Variants in NEK10 observed in about 807,000 individuals in gnomAD.
NEK10 encodes the protein NIMA related kinase 10.
Under a neutral mutation model 159.8 loss-of-function variants are expected in NEK10, and 122 were observed. The ratio of observed to expected loss-of-function variants is 0.76; its 90% CI spans 0.66 to 0.89. NEK10 has a LOEUF of 0.89. Ranked by LOEUF, NEK10 falls within the 40% of genes least tolerant of loss-of-function variation. NEK10 has a pLI of 0.00. For synonymous variants in NEK10, 466 were observed against 457.1 expected (o/e 1.02, Z -0.25); for missense variants, 1,342 against 1,323.1 (o/e 1.01, Z -0.22).
chr3:27,260,710 G>C (rs996264297), intron 22 of NEK10, among the ~76,000 whole-genome samples: 8 of 152,132 alleles, frequency 5.3e-5, no homozygotes, highest in Non-Finnish European at 1.0e-4. Context: ...GCCAGGCTTT[G>C]GTATCAGGAT....
At chr3:27,116,870 AT>A (rs1355869576) in intron 33 of NEK10, among the ~76,000 whole-genome samples, 1 of 151,910 alleles carries the variant, frequency 6.6e-6, no homozygotes, top group African/African-American at 2.4e-5. Flanking sequence ...GGTTTGTAAT[AT>A]AGGTAAATGT....
intron 6 of NEK10, among the ~76,000 whole-genome samples, chr3:27,319,041 A>T (rs1040243169): frequency 6.6e-6 from 1 of 152,224 alleles, no homozygotes; most frequent in Non-Finnish European, 1.5e-5. Context: ...GGCAAAGAGA[A>T]AACGTGGTAC....
At chr3:27,169,338 A>T (rs1946749381) in intron 29 of NEK10, among the ~76,000 whole-genome samples, 1 of 152,054 alleles carries the variant, frequency 6.6e-6, no homozygotes, top group Non-Finnish European at 1.5e-5. Flanking sequence ...ACAAACACCC[A>T]CTGTGGTTCT....
intron 23 of NEK10, among the ~76,000 whole-genome samples, chr3:27,207,917 C>T (rs146850112): frequency 1.9e-4 from 29 of 152,174 alleles, no homozygotes; most frequent in African/African-American, 6.7e-4. Flanking sequence ...GTCTGTGTGC[C>T]AGTAAGTACC....
chr3:27,363,700 G>A (rs1286234797), intron 1 of NEK10: 1 of 152,158 alleles, frequency 6.6e-6, no homozygotes, highest in Non-Finnish European at 1.5e-5. Flanking sequence ...AAGTATACAT[G>A]AACAGGACAA....
chr3:27,331,251 C>CAAAAAAAAAAAAAAAAAA (rs1247716064), intron 5 of NEK10, among the ~76,000 whole-genome samples: 1 of 53,910 alleles, frequency 1.9e-5, no homozygotes, highest in African/African-American at 4.6e-5. Flanking sequence ...AAAAAAAAAA[C>CAAAAAAAAAAAAAAAAAA]AAAAAAAAAA....
At chr3:27,315,987 C>T (rs1163769058) in intron 6 of NEK10, among the ~76,000 whole-genome samples, 1 of 152,146 alleles carries the variant, frequency 6.6e-6, no homozygotes, top group Non-Finnish European at 1.5e-5. Flanking sequence ...AGAAATTGTG[C>T]AGACAAAACA....
At chr3:27,158,474 A>G (rs1405553230) in intron 30 of NEK10, among the ~76,000 whole-genome samples, 1 of 152,186 alleles carries the variant, frequency 6.6e-6, no homozygotes, top group Non-Finnish European at 1.5e-5. Flanking sequence ...AGAATATTTG[A>G]GCAAAAAATA....
rs751071560 is a variant in NEK10 at position 27,256,319 on chromosome 3, C to G, written c.2067G>C (p.Val689=). The part of the protein sequence containing the change: ...QKQENSKLTS[V]VGTILYSCPE... Reference sequence around the variant, plus strand: ...ACCAAGAATACAGGATTGTTCCAACCACAGAGGTGAGTTTACTGTTTTCTT... The same window carrying G: ...ACCAAGAATACAGGATTGTTCCAACGACAGAGGTGAGTTTACTGTTTTCTT... The change falls in exon 23 of 36, where the codon GTG becomes GTC. Residue 689 remains valine (V), a synonymous_variant. Transcript: ENST00000691995. 1.9e-6 allele frequency: 3 copies of G among 1,562,504 alleles called. No homozygotes were observed. The East Asian group carries it at 7.1e-5, about 37-fold the overall frequency.
chr3:27,203,657 A>C (rs1335637812), intron 23 of NEK10, among the ~76,000 whole-genome samples: 1 of 152,162 alleles, frequency 6.6e-6, no homozygotes, highest in African/African-American at 2.4e-5. Flanking sequence ...ACTCTAATGG[A>C]GTAAAGATTA....
intron 23 of NEK10, among the ~76,000 whole-genome samples, chr3:27,247,273 C>CT (rs1955168849): frequency 6.6e-6 from 1 of 152,046 alleles, no homozygotes; most frequent in Non-Finnish European, 1.5e-5. Flanking sequence ...TTGTAAATGG[C>CT]TTTTTTTATG....
At chr3:27,319,445 G>A (rs867734380) in intron 6 of NEK10, among the ~76,000 whole-genome samples, 11 of 152,258 alleles carry the variant, frequency 7.2e-5, no homozygotes, top group Middle Eastern at 3.4e-3. Flanking sequence ...CCTCTGAGTC[G>A]AAGAATGAGG....
rs771082685 is a variant in NEK10, at chr3:27,192,050, A to G, written c.2484T>C (p.His828=). 1.2e-6 allele frequency: 2 copies of G among 1,614,180 alleles called. No homozygotes were observed. The highest frequency in any genetic ancestry group is 1.1e-5 in the South Asian group (1 of 91,084). The change falls in exon 26 of 36, where the codon CAT becomes CAC. Residue 828 remains histidine, a synonymous_variant. Coordinates refer to ENST00000691995, the MANE Select transcript of NEK10 (RefSeq NM_001394966.1). ...TTACGTGAGATAGAACAGCCAGCTC[A>G]TGGTGACATGTGACGGTGTTCCGGT... ...EANRNTVTCH[H]ELAVLSHETF...
chr3:27,231,396 T>C (rs189818087), intron 23 of NEK10, among the ~76,000 whole-genome samples: 2 of 151,896 alleles, frequency 1.3e-5, no homozygotes, highest in African/African-American at 4.8e-5. Flanking sequence ...TCAAAAAGTC[T>C]GAAAGAGCAC....
intron 26 of NEK10, among the ~76,000 whole-genome samples, chr3:27,175,708 C>T (rs56971465): frequency 0.085 from 12,872 of 152,052 alleles, 1,798 homozygotes; most frequent in African/African-American, 0.29. Context: ...CTTTTTAGGC[C>T]GTGGGGCTAA....
intron 30 of NEK10, among the ~76,000 whole-genome samples, chr3:27,156,789 C>T (rs1488717029): frequency 1.3e-5 from 2 of 151,240 alleles, no homozygotes; most frequent in Non-Finnish European, 3.0e-5. Flanking sequence ...AATCCCACTA[C>T]TGGGTATCTA....
At chr3:27,242,224 G>T (rs945328357) in intron 23 of NEK10, among the ~76,000 whole-genome samples, 1 of 152,140 alleles carries the variant, frequency 6.6e-6, no homozygotes, top group Non-Finnish European at 1.5e-5. Context: ...TAAAGGCAGG[G>T]AAGAAATATT....
intron 22 of NEK10, among the ~76,000 whole-genome samples, chr3:27,267,414 G>T (rs2149380609): frequency 6.6e-6 from 1 of 152,174 alleles, no homozygotes; most frequent in Non-Finnish European, 1.5e-5. Flanking sequence ...ACAAATTGAA[G>T]GTTTGTGGCA....
intron 24 of NEK10, 56 bp downstream of exon 24, chr3:27,202,372 A>T (rs1950129591): frequency 1.3e-6 from 2 of 1,522,878 alleles, no homozygotes; most frequent in Non-Finnish European, 1.8e-6. Flanking sequence ...GTTTAATAAG[A>T]AAAAGAATTG....
Sources: gnomAD v4.1 joint callset for allele counts (sites outside exome capture counted in the v4.1 genomes callset) on GRCh38, gnomAD v4.1.1 for gene constraint, MANE v1.5 for transcripts, NCBI Gene and HGNC (gene_info 2026-07-23, HGNC 2026-07-21) for gene names.